The following MACROD2 variants were observed in gnomAD, a reference collection of about 807,000 sequenced individuals.
The protein encoded by MACROD2 is ADP-ribose glycohydrolase MACROD2.
In MACROD2, 36 loss-of-function variants were observed where a neutral mutation model predicts 70.4. That is an observed-to-expected ratio of 0.51 (90% CI 0.39 to 0.68). MACROD2 has a LOEUF of 0.68. Ranked by LOEUF, MACROD2 falls within the 30% of genes least tolerant of loss-of-function variation. The pLI, the probability that MACROD2 is intolerant of heterozygous loss-of-function variation, is 0.00. For missense variants in MACROD2, 496 were observed against 538.4 expected (o/e 0.92, Z 0.78); for synonymous variants, 172 against 178.8 (o/e 0.96, Z 0.30).
intron 8 of MACROD2, among the ~76,000 whole-genome samples, chr20:15,715,061 G>A (rs1413803019): frequency 6.6e-6 from 1 of 152,102 alleles, no homozygotes; most frequent in Non-Finnish European, 1.5e-5. Context: ...TTAAGATGTT[G>A]TTTAGGAAGC....
intron 13 of MACROD2, among the ~76,000 whole-genome samples, chr20:15,973,307 TC>T (rs1350736214): frequency 6.6e-6 from 1 of 152,024 alleles, no homozygotes; most frequent in East Asian, 1.9e-4. Context: ...AAAAGAAGCA[TC>T]AGTGGCAGAG....
intron 6 of MACROD2, among the ~76,000 whole-genome samples, chr20:15,255,955 T>G (rs1296300026): frequency 6.6e-6 from 1 of 152,112 alleles, no homozygotes; most frequent in Non-Finnish European, 1.5e-5. Flanking sequence ...ACACATGAGT[T>G]TTGTGCTTGG....
At chr20:14,657,241 A>G (rs1986021242) in intron 4 of MACROD2, among the ~76,000 whole-genome samples, 1 of 152,248 alleles carries the variant, frequency 6.6e-6, no homozygotes, top group African/African-American at 2.4e-5. Context: ...CAATGATTCC[A>G]GTTAGCATCC....
At chr20:14,443,948 T>C (rs2084155268) in intron 3 of MACROD2, among the ~76,000 whole-genome samples, 1 of 152,166 alleles carries the variant, frequency 6.6e-6, no homozygotes, top group Admixed American at 6.5e-5. Context: ...GTTGCTACTA[T>C]TGTGGCATAA....
intron 5 of MACROD2, among the ~76,000 whole-genome samples, chr20:14,844,204 T>C (rs6135278): frequency 0.33 from 49,920 of 151,230 alleles, 9,244 homozygotes; most frequent in Non-Finnish European, 0.41. Flanking sequence ...TAATTTTTTT[T>C]CCCCCAAAAT....
chr20:15,935,446 G>A (rs181016479), intron 11 of MACROD2, among the ~76,000 whole-genome samples: 3 of 152,280 alleles, frequency 2.0e-5, no homozygotes, highest in Admixed American at 1.3e-4. Context: ...CAGAGAAATC[G>A]AAGATGTGGT....
At chr20:15,935,019 C>CT (rs2065637170) in intron 11 of MACROD2, among the ~76,000 whole-genome samples, 1 of 854 alleles carries the variant, frequency 1.2e-3, no homozygotes. Context: ...AAGATTGTTT[C>CT]CATCCCTGTA....
rs536716295 is a variant in MACROD2 at position 15,536,634 on chromosome 20, G to A, written c.645+36787G>A. 1.5e-3 allele frequency among the ~76,000 whole-genome samples: 235 copies of A among 152,230 alleles called. 1 individual carries two copies. The highest frequency in any genetic ancestry group is 5.2e-3 in the African/African-American group (218 of 41,546). ...ATGATTAAGAAACAAAAGTGAAGTCGCCAAGCACTGGGTTATGCCCATCTA... is the reference window on the plus strand; with the variant it reads ...ATGATTAAGAAACAAAAGTGAAGTCACCAAGCACTGGGTTATGCCCATCTA... On this transcript the variant is annotated intron_variant, in intron 8 of 17. Transcript: ENST00000684519.
At chr20:14,033,056 G>A (rs2053263816) in intron 2 of MACROD2, among the ~76,000 whole-genome samples, 1 of 146,154 alleles carries the variant, frequency 6.8e-6, no homozygotes, top group Non-Finnish European at 1.5e-5. Flanking sequence ...AGAAAGTAGA[G>A]TTTAAATTTC....
chr20:14,089,858 T>C (rs771426950), intron 3 of MACROD2, among the ~76,000 whole-genome samples: 22 of 152,222 alleles, frequency 1.4e-4, no homozygotes, highest in Non-Finnish European at 2.8e-4. Context: ...TATATAGCTA[T>C]AGTACAATAT....
At chr20:15,174,013 T>A (rs1210326487) in intron 5 of MACROD2, among the ~76,000 whole-genome samples, 1 of 152,226 alleles carries the variant, frequency 6.6e-6, no homozygotes, top group Non-Finnish European at 1.5e-5. Context: ...CTTTTATAAG[T>A]CTGAGTGCAG....
intron 8 of MACROD2, among the ~76,000 whole-genome samples, chr20:15,854,618 C>T (rs1035474563): frequency 9.2e-5 from 14 of 152,120 alleles, no homozygotes; most frequent in South Asian, 2.1e-4. Context: ...ATTAATTCTG[C>T]GGTGATTTGT....
Position 14,459,392 on chromosome 20 carries a change from G to A in MACROD2, c.272-34087G>A, listed in dbSNP as rs894274465. 3.3e-5 allele frequency among the ~76,000 whole-genome samples: 5 copies of A among 151,636 alleles called. No homozygotes were observed. In the East Asian group the frequency reaches 9.7e-4, roughly 29 times the overall value. On this transcript the variant is annotated intron_variant, in intron 3 of 17. Coordinates refer to ENST00000684519, the MANE Select transcript of MACROD2 (RefSeq NM_001351661.2). The stretch of plus-strand genomic sequence containing the variant: ...ACATGGGTGCAAGAGAAGTGACATC[G>A]GAAGAAAAAGTACACATTTTTGTAT...
At chr20:15,946,928 G>A (rs550412611) in intron 12 of MACROD2, among the ~76,000 whole-genome samples, 1 of 152,276 alleles carries the variant, frequency 6.6e-6, no homozygotes, top group East Asian at 1.9e-4. Flanking sequence ...AAGAAAACAC[G>A]TGAGCAAAGA....
intron 5 of MACROD2, among the ~76,000 whole-genome samples, chr20:14,989,192 A>G (rs915081783): frequency 5.3e-5 from 8 of 152,158 alleles, no homozygotes; most frequent in African/African-American, 1.9e-4. Flanking sequence ...GGATGAAGGG[A>G]TGGTATGGAA....
rs558004766 is a variant in MACROD2 at position 15,482,178 on chromosome 20, G to A, written c.572-17596G>A. On this transcript the variant is annotated intron_variant, in intron 7 of 17. Transcript: ENST00000684519. ...TCTCTTAAACCTGGCTGAAGTAAAA[G>A]CCAAGATTTCGTTTATTTCCTTCTT... Among the ~76,000 whole-genome samples the A allele has an allele frequency of 1.7e-3, 256 of 152,240 alleles. 2 individuals carry two copies. Among genetic ancestry groups the A allele is most frequent in the African/African-American group, 6.0e-3 (248 of 41,558 alleles).
rs543488093 is a variant in MACROD2, at chr20:15,627,636, G to T, written c.645+127789G>T. 1.3e-4 allele frequency among the ~76,000 whole-genome samples: 20 copies of T among 152,208 alleles called. No homozygotes were observed. The East Asian group carries it at 3.9e-3, about 29-fold the overall frequency. On this transcript the variant is annotated intron_variant, in intron 8 of 17. Coordinates refer to ENST00000684519, the MANE Select transcript of MACROD2 (RefSeq NM_001351661.2). ...GTGGGGCAACAGAAGCAAGAGCAAG[G>T]TTGGTGGGGGCCAGGTGGAGTCATG...
At chr20:14,055,835 C>T (rs2053625980) in intron 2 of MACROD2, among the ~76,000 whole-genome samples, 1 of 151,386 alleles carries the variant, frequency 6.6e-6, no homozygotes, top group African/African-American at 2.4e-5. Context: ...TCTATAACTT[C>T]TAGAGGTCAG....
At chr20:14,050,202 A>G (rs1011343475) in intron 2 of MACROD2, among the ~76,000 whole-genome samples, 1 of 152,052 alleles carries the variant, frequency 6.6e-6, no homozygotes, top group Non-Finnish European at 1.5e-5. Flanking sequence ...GGATAGAGTC[A>G]TGGCTTCTAT....
Sources: gnomAD v4.1 joint callset for allele counts (sites outside exome capture counted in the v4.1 genomes callset) on GRCh38, gnomAD v4.1.1 for gene constraint, MANE v1.5 for transcripts, NCBI Gene and HGNC (gene_info 2026-07-23, HGNC 2026-07-21) for gene names.